Variants in ROCK2 observed in about 807,000 individuals in gnomAD.
ROCK2 encodes the protein Rho associated coiled-coil containing protein kinase 2, also known as rho-associated protein kinase 2.
A neutral mutation model predicts 195.1 loss-of-function variants in ROCK2; 61 were observed. That is an observed-to-expected ratio of 0.31 (90% CI 0.25 to 0.39). The LOEUF is 0.39. Ranked by LOEUF, ROCK2 falls within the 10% of genes least tolerant of loss-of-function variation. The pLI, the probability that ROCK2 is intolerant of heterozygous loss-of-function variation, is 1.00. For synonymous variants in ROCK2, 504 were observed against 545.5 expected (o/e 0.92, Z 1.06); for missense variants, 1,109 against 1,637.4 (o/e 0.68, Z 5.57).
At chr2:11,292,686 GTTAT>G (rs1667398547) in intron 1 of ROCK2, among the ~76,000 whole-genome samples, 1 of 152,214 alleles carries the variant, frequency 6.6e-6, no homozygotes, top group Non-Finnish European at 1.5e-5. Flanking sequence ...ACCAGGAAAT[GTTAT>G]TTAAATGAAT....
In ROCK2 at chr2:11,233,396, T is replaced by C. The variant is rs16857290; in HGVS notation, c.723+2306A>G. Among the ~76,000 whole-genome samples the C allele has an allele frequency of 6.1e-3, 936 of 152,296 alleles. 11 individuals carry two copies. Among genetic ancestry groups the C allele is most frequent in the African/African-American group, 0.022 (905 of 41,566 alleles). On this transcript the variant is annotated intron_variant, in intron 5 of 32. Coordinates refer to ENST00000315872, the MANE Select transcript of ROCK2 (RefSeq NM_004850.5). ...GGATATGGGGAGACAAGATCTCTCATGTACTAGTAGTAAGTAGTTAGAAAC... is the reference window on the plus strand; with the variant it reads ...GGATATGGGGAGACAAGATCTCTCACGTACTAGTAGTAAGTAGTTAGAAAC...
intron 32 of ROCK2, among the ~76,000 whole-genome samples, chr2:11,190,970 A>G (rs1663401159): frequency 6.6e-6 from 1 of 152,120 alleles, no homozygotes. Flanking sequence ...AATATTCAAC[A>G]TTTTCACTGC....
At chr2:11,268,140 G>A (rs867446897) in intron 3 of ROCK2, among the ~76,000 whole-genome samples, 1 of 151,736 alleles carries the variant, frequency 6.6e-6, no homozygotes, top group Admixed American at 6.6e-5. Flanking sequence ...CAAATAAAGG[G>A]AGCCATGGCT....
At chr2:11,265,037 A>C (rs2148153433) in intron 3 of ROCK2, among the ~76,000 whole-genome samples, 1 of 152,294 alleles carries the variant, frequency 6.6e-6, no homozygotes, top group East Asian at 1.9e-4. Flanking sequence ...TATTTATCCT[A>C]ACTACGTGAG....
intron 6 of ROCK2, among the ~76,000 whole-genome samples, chr2:11,224,953 C>T (rs1187204706): frequency 6.6e-6 from 1 of 152,140 alleles, no homozygotes; most frequent in Non-Finnish European, 1.5e-5. Context: ...GTTATACTAG[C>T]CACATTTTAA....
At chr2:11,322,516 T>C (rs1271295792) in intron 1 of ROCK2, among the ~76,000 whole-genome samples, 1 of 151,906 alleles carries the variant, frequency 6.6e-6, no homozygotes, top group Non-Finnish European at 1.5e-5. Context: ...ATAATGCTCT[T>C]CTAATACTTC....
intron 5 of ROCK2, among the ~76,000 whole-genome samples, chr2:11,230,712 A>G (rs1036423519): frequency 7.2e-5 from 11 of 152,324 alleles, no homozygotes; most frequent in African/African-American, 2.6e-4. Flanking sequence ...ATCAGATTAA[A>G]TGTGTATTTT....
At chr2:11,316,356 G>C (rs1460522785) in intron 1 of ROCK2, among the ~76,000 whole-genome samples, 1 of 151,994 alleles carries the variant, frequency 6.6e-6, no homozygotes, top group East Asian at 1.9e-4. Flanking sequence ...TCCATACTTT[G>C]TCAATTACTA....
At chr2:11,262,378 A>G (rs1159764567) in intron 3 of ROCK2, among the ~76,000 whole-genome samples, 2 of 152,206 alleles carry the variant, frequency 1.3e-5, no homozygotes, top group Non-Finnish European at 2.9e-5. Context: ...AGAGCTTAAA[A>G]AAAACTTAAA....
intron 4 of ROCK2, among the ~76,000 whole-genome samples, chr2:11,245,007 T>A (rs1299899317): frequency 1.3e-5 from 2 of 151,838 alleles, no homozygotes; most frequent in Non-Finnish European, 2.9e-5. Flanking sequence ...GCAAAACTAC[T>A]TAACAAAATA....
intron 5 of ROCK2, among the ~76,000 whole-genome samples, chr2:11,229,185 T>C (rs1344801858): frequency 6.6e-6 from 1 of 152,164 alleles, no homozygotes; most frequent in Non-Finnish European, 1.5e-5. Flanking sequence ...ATTCACATAC[T>C]AAACTATGTG....
At chr2:11,187,473 G>A (rs1423874155) in intron 32 of ROCK2, among the ~76,000 whole-genome samples, 10 of 152,174 alleles carry the variant, frequency 6.6e-5, no homozygotes, top group Non-Finnish European at 1.3e-4. Flanking sequence ...TCCACTGGGG[G>A]TCTTGGACTA....
intron 1 of ROCK2, 64 bp downstream of exon 1, chr2:11,343,932 T>C (rs1669193695): frequency 2.6e-6 from 4 of 1,532,314 alleles, no homozygotes; most frequent in African/African-American, 1.4e-5. Flanking sequence ...CACGGAGGGC[T>C]GGGCGGAGAG....
chr2:11,183,887 G>A (rs900201630), intron 32 of ROCK2, among the ~76,000 whole-genome samples: 1 of 152,150 alleles, frequency 6.6e-6, no homozygotes, highest in African/African-American at 2.4e-5. Context: ...CTACATTGTT[G>A]TAGTAAATAT....
intron 1 of ROCK2, chr2:11,308,421 A>C (rs1256762222): frequency 4.4e-6 from 7 of 1,605,274 alleles, no homozygotes; most frequent in Middle Eastern, 2.3e-4. Context: ...TCTGAAGAAG[A>C]TGAAGAAGAG....
chr2:11,231,703 A>G (rs1466083543), intron 5 of ROCK2, among the ~76,000 whole-genome samples: 1 of 152,088 alleles, frequency 6.6e-6, no homozygotes, highest in Admixed American at 6.5e-5. Flanking sequence ...TCCTGAGAGA[A>G]TAAGGGTGAT....
At chr2:11,317,000 A>G (rs1668212745) in intron 1 of ROCK2, among the ~76,000 whole-genome samples, 1 of 152,162 alleles carries the variant, frequency 6.6e-6, no homozygotes, top group Admixed American at 6.5e-5. Flanking sequence ...ACAGTTAAGA[A>G]GCTTAATAGT....
chr2:11,270,157 A>G (rs1432346150), intron 3 of ROCK2, among the ~76,000 whole-genome samples: 1 of 150,930 alleles, frequency 6.6e-6, no homozygotes, highest in African/African-American at 2.4e-5. Context: ...TATTCTCAAT[A>G]CTTTAAAAAT....
At chr2:11,318,460 GT>G (rs1335818342) in intron 1 of ROCK2, among the ~76,000 whole-genome samples, 1 of 152,010 alleles carries the variant, frequency 6.6e-6, no homozygotes, top group Non-Finnish European at 1.5e-5. Context: ...TGATGGGGTT[GT>G]TTTTTTCTTG....
Sources: gnomAD v4.1 joint callset for allele counts (sites outside exome capture counted in the v4.1 genomes callset) on GRCh38, gnomAD v4.1.1 for gene constraint, MANE v1.5 for transcripts, NCBI Gene and HGNC (gene_info 2026-07-23, HGNC 2026-07-21) for gene names.